CSF1: variants seen among roughly 807,000 people sequenced by gnomAD.
CSF1 encodes the protein macrophage colony-stimulating factor 1.
Under a neutral mutation model 48.9 loss-of-function variants are expected in CSF1, and 9 were observed. The ratio of observed to expected loss-of-function variants is 0.18; its 90% confidence interval spans 0.11 to 0.32. CSF1 has a LOEUF of 0.32. Among genes scored for constraint, CSF1 ranks in the 10% least tolerant of loss-of-function variants. CSF1 has a pLI of 1.00. For synonymous variants in CSF1, 305 were observed against 284.1 expected (o/e 1.07, Z -0.74); for missense variants, 672 against 697.9 (o/e 0.96, Z 0.42).
Position 109,923,554 on chromosome 1 carries a change from G to A in CSF1, c.933G>A (p.Glu311=). The A allele has an allele frequency of 6.2e-7, 1 of 1,614,184 alleles. No homozygotes were observed. Among genetic ancestry groups the A allele is most frequent in the East Asian group, 2.2e-5 (1 of 44,880 alleles). Residue 311 remains glutamate (E), a synonymous_variant, in exon 6 of 9, where the codon GAG becomes GAA. Coordinates refer to ENST00000329608, the MANE Select transcript of CSF1 (RefSeq NM_000757.6). The stretch of plus-strand genomic sequence containing the variant: ...GGGTCCCAGAAGAAGCCTCTGGAGA[G>A]GCCAGTGAGATTCCCGTACCCCAAG... The part of the protein sequence containing the change: ...TNWVPEEASG[E]ASEIPVPQGT...
chr1:109,910,598 C>T, upstream of CSF1: 1 of 257,420 alleles, frequency 3.9e-6, no homozygotes, highest in Non-Finnish European at 8.1e-6. Flanking sequence ...CGCTCGTTTG[C>T]TGAAGGCTTG....
rs1292665740 is a variant in CSF1, at chr1:109,930,052, C to T, written c.*1214C>T. The T allele has an allele frequency of 6.6e-6, 1 of 152,328 alleles. No homozygotes were observed. The highest frequency in any genetic ancestry group is 2.1e-4 in the South Asian group (1 of 4,832). The allele number at this position is 152,328 out of a possible 1,614,324, so 9.4% of individuals were successfully genotyped here. ...CTGAGGTTGGGGGAGGGTCTGCACT[C>T]CCAAACCCCAGCGCAGTGTCCTTTC... On this transcript the variant is annotated 3_prime_UTR_variant, in exon 9 of 9. Coordinates refer to ENST00000329608, the MANE Select transcript of CSF1 (RefSeq NM_000757.6).
At chr1:109,911,782 GT>G (rs1654700019) in intron 1 of CSF1, among the ~76,000 whole-genome samples, 1 of 152,186 alleles carries the variant, frequency 6.6e-6, no homozygotes. Context: ...GTTTATGGTG[GT>G]TTGCAGTGCT....
At chr1:109,912,349 C>T (rs1172816926) in intron 1 of CSF1, among the ~76,000 whole-genome samples, 1 of 152,092 alleles carries the variant, frequency 6.6e-6, no homozygotes, top group Non-Finnish European at 1.5e-5. Flanking sequence ...GGTGTCCTAG[C>T]ATCTCTGAGC....
intron 6 of CSF1, 76 bp from the exon 7 acceptor site, chr1:109,924,699 CA>C: frequency 7.8e-7 from 1 of 1,289,900 alleles, no homozygotes; most frequent in South Asian, 1.3e-5. Context: ...ATACCTGGGG[CA>C]GCCCTTACTG....
intron 2 of CSF1, 83 bp from the exon 3 acceptor site, chr1:109,915,551 C>T (rs1367466499): frequency 1.7e-6 from 2 of 1,192,490 alleles, no homozygotes; most frequent in South Asian, 1.2e-5. Flanking sequence ...CACTCAGAAG[C>T]TAAGGTCCCC....
intron 4 of CSF1, among the ~76,000 whole-genome samples, chr1:109,921,356 G>A (rs747525723): frequency 9.2e-5 from 14 of 152,098 alleles, no homozygotes; most frequent in South Asian, 2.1e-4. Flanking sequence ...ACTTTTGCAC[G>A]GTCTGTTCTT....
chr1:109,924,963 G>A, intron 7 of CSF1, 135 bp downstream of exon 7: 2 of 1,046,326 alleles, frequency 1.9e-6, no homozygotes, highest in Non-Finnish European at 2.9e-6. Flanking sequence ...GAGAGAAGAA[G>A]GGCCTCTGTC....
rs1647280190 is a variant in CSF1, at chr1:109,917,463, G to A, written c.396G>A (p.Lys132=). ...CCAAGGATTATGAAGAGCATGACAA[G>A]GTAGGAAGCCCTGAGGCCTGGAGCA... ...CFTKDYEEHD[K]ACVRTFYETP... Residue 132 remains lysine, a splice_region_variant and synonymous_variant, in exon 4 of 9, where the codon AAG becomes AAA. Transcript: ENST00000329608. The A allele has an allele frequency of 1.2e-6, 2 of 1,613,922 alleles. No individual in the cohort carries two copies. Among genetic ancestry groups the A allele is most frequent in the South Asian group, 1.1e-5 (1 of 91,062 alleles).
Position 109,923,962 on chromosome 1 carries a change from G to A in CSF1, c.1341G>A (p.Arg447=), listed in dbSNP as rs951829320. 2 of 1,614,110 alleles carry A rather than the reference G, an allele frequency of 1.2e-6. No individual in the cohort carries two copies. The highest frequency in any genetic ancestry group is 1.3e-5 in the African/African-American group (1 of 74,950). Residue 447 remains arginine, a synonymous_variant, in exon 6 of 9, where the codon AGG becomes AGA. Transcript: ENST00000329608. ...AGCTGGAGGGCAGGAGGAGCACCAG[G>A]GATCGGAGGAGCCCCGCAGAGCCAG... ...LGELEGRRST[R]DRRSPAEPEG...
intron 4 of CSF1, 30 bp from the exon 5 acceptor site, chr1:109,921,817 T>A (rs1647558934): frequency 6.6e-7 from 1 of 1,526,396 alleles, no homozygotes. Flanking sequence ...ATGGTCATGC[T>A]CACAAAAGGG....
chr1:109,915,591 G>C, intron 2 of CSF1, 43 bp from the exon 3 acceptor site: 1 of 1,545,136 alleles, frequency 6.5e-7, no homozygotes. Flanking sequence ...GCTGAGTTGA[G>C]CTGTAGGTTA....
chr1:109,922,076 G>C (rs1319782419), intron 5 of CSF1, 82 bp downstream of exon 5: 2 of 1,481,376 alleles, frequency 1.4e-6, no homozygotes, highest in Non-Finnish European at 1.8e-6. Flanking sequence ...GAAGCTGGGG[G>C]GACCCCTGGG....
In CSF1 at chr1:109,917,412, C is replaced by G. The variant is rs775994370; in HGVS notation, c.345C>G (p.Leu115=). 6.2e-7 allele frequency: 1 copy of G among 1,614,244 alleles called. No individual in the cohort carries two copies. The highest frequency in any genetic ancestry group is 8.5e-7 in the Non-Finnish European group (1 of 1,180,052). Reference sequence around the variant, plus strand: ...TCGCCATTGTGCAGCTGCAGGAACTCTCTTTGAGGCTGAAGAGCTGCTTCA... The same window carrying G: ...TCGCCATTGTGCAGCTGCAGGAACTGTCTTTGAGGCTGAAGAGCTGCTTCA... The part of the protein sequence containing the change: ...NAIAIVQLQE[L]SLRLKSCFTK... The change falls in exon 4 of 9, where the codon CTC becomes CTG. Residue 115 remains leucine, a synonymous_variant. Coordinates refer to ENST00000329608, the MANE Select transcript of CSF1 (RefSeq NM_000757.6).
intron 7 of CSF1, 91 bp downstream of exon 7, chr1:109,924,919 C>T: frequency 7.5e-7 from 1 of 1,331,026 alleles, no homozygotes; most frequent in Non-Finnish European, 1.1e-6. Context: ...CTCCTGCTTG[C>T]TCTGAGGAAA....
chr1:109,926,182 T>G (rs1647834198), intron 8 of CSF1: 2 of 152,250 alleles, frequency 1.3e-5, no homozygotes, highest in Admixed American at 6.5e-5. Context: ...AGTGGGACTG[T>G]TACCTTCCTT....
intron 1 of CSF1, among the ~76,000 whole-genome samples, chr1:109,913,634 C>G (rs1654779619): frequency 6.6e-6 from 1 of 152,276 alleles, no homozygotes; most frequent in African/African-American, 2.4e-5. Context: ...ATTACTGGCA[C>G]TGGTGCCTCT....
At chr1:109,921,812 C>A in intron 4 of CSF1, 35 bp from the exon 5 acceptor site, 2 of 1,522,510 alleles carry the variant, frequency 1.3e-6, no homozygotes, top group South Asian at 1.3e-5. Flanking sequence ...GGCCAATGGT[C>A]ATGCTCACAA....
Position 109,914,231 on chromosome 1 carries a change from G to A in CSF1, c.40-28G>A, listed in dbSNP as rs552699078. 6 of 1,577,556 alleles carry A rather than the reference G, an allele frequency of 3.8e-6. No homozygotes were observed. The South Asian group carries it at 7.2e-5, about 19-fold the overall frequency. On this transcript the variant is annotated intron_variant, in intron 1 of 8. Coordinates refer to ENST00000329608, the MANE Select transcript of CSF1 (RefSeq NM_000757.6). ...GGATAACTGGGGAGAGTGAGACCTG[G>A]GGAGAAATGACACCCTCTCTGTCAC...
Sources: allele counts gnomAD v4.1 joint callset (sites outside exome capture counted in the v4.1 genomes callset), GRCh38; gene constraint gnomAD v4.1.1; transcripts MANE v1.5; gene names NCBI Gene and HGNC (gene_info 2026-07-23, HGNC 2026-07-21).